The following TLN2 variants were observed in gnomAD, a reference collection of about 807,000 sequenced individuals.
TLN2 encodes the protein talin 2.
A neutral mutation model predicts 294.7 loss-of-function variants in TLN2; 118 were observed. The observed-to-expected ratio is 0.40, with a 90% confidence interval of 0.34 to 0.47. The LOEUF is 0.47. TLN2 is among the 20% of genes least tolerant of loss of function. The probability of loss-of-function intolerance (pLI) is 0.84; values close to 1 mark genes in which losing one functional copy is unlikely to be tolerated. For synonymous variants in TLN2, 1,431 were observed against 1,304.5 expected (o/e 1.10, Z -2.09); for missense variants, 3,083 against 3,282.2 (o/e 0.94, Z 1.48).
At position 62,719,787 on chromosome 15, in the gene TLN2, TC is replaced by T; in HGVS notation, c.2899del (p.Gln967SerfsTer6). The part of the protein sequence containing the change: ...SCKAVADHIP[Q>X]LVQGVRGSQA... The stretch of plus-strand genomic sequence containing the variant: ...TGCAGGCAGTGGCTGATCACATCCC[TC>T]AGCTGGTCCAGGGAGTGAGGGGGAG... On this transcript the variant is annotated frameshift_variant, in exon 25 of 59. Coordinates refer to ENST00000636159, the MANE Select transcript of TLN2 (RefSeq NM_015059.3). LOFTEE classifies it high-confidence loss of function. 1 of 1,609,502 alleles carries T rather than the reference TC, an allele frequency of 6.2e-7. No individual in the cohort carries two copies. The highest frequency in any genetic ancestry group is 8.5e-7 in the Non-Finnish European group (1 of 1,177,592).
At chr15:62,559,899 T>C (rs988147522) in intron 1 of TLN2, among the ~76,000 whole-genome samples, 2 of 152,242 alleles carry the variant, frequency 1.3e-5, no homozygotes, top group African/African-American at 4.8e-5. Flanking sequence ...CTTCTGTGGC[T>C]GTCCTAATCT....
chr15:62,796,043 G>T, intron 46 of TLN2, 84 bp from the exon 47 acceptor site: 1 of 1,525,294 alleles, frequency 6.6e-7, no homozygotes, highest in South Asian at 1.3e-5. Context: ...ACTCCTAGGA[G>T]AGAATTCATT....
intron 19 of TLN2, among the ~76,000 whole-genome samples, chr15:62,703,429 C>T (rs2058843100): frequency 6.6e-6 from 1 of 151,932 alleles, no homozygotes; most frequent in Non-Finnish European, 1.5e-5. Context: ...ATGTGCTGGA[C>T]ATTCTTTAAT....
At chr15:62,639,712 A>G (rs1221793116) in intron 3 of TLN2, among the ~76,000 whole-genome samples, 2 of 152,126 alleles carry the variant, frequency 1.3e-5, no homozygotes, top group Admixed American at 6.5e-5. Flanking sequence ...AGCGCTCTCA[A>G]GTGTAGATAC....
chr15:62,652,482 A>G (rs971026765), intron 6 of TLN2, among the ~76,000 whole-genome samples: 3 of 152,204 alleles, frequency 2.0e-5, no homozygotes, highest in Non-Finnish European at 4.4e-5. Context: ...GACAGCCCAC[A>G]TGATTATTAG....
intron 1 of TLN2, among the ~76,000 whole-genome samples, chr15:62,481,985 C>T (rs202126880): frequency 3.3e-5 from 5 of 151,330 alleles, no homozygotes; most frequent in East Asian, 2.0e-4. Context: ...TTAGTAGAGA[C>T]GGGATTTCAC....
intron 11 of TLN2, among the ~76,000 whole-genome samples, chr15:62,678,422 C>G (rs2056470233): frequency 6.6e-6 from 1 of 152,140 alleles, no homozygotes; most frequent in African/African-American, 2.4e-5. Flanking sequence ...ACTCAACATC[C>G]TTTTATTAAA....
chr15:62,586,125 G>A (rs549442013), intron 1 of TLN2, among the ~76,000 whole-genome samples: 11 of 152,192 alleles, frequency 7.2e-5, no homozygotes, highest in African/African-American at 2.7e-4. Context: ...TAAATGCAAC[G>A]TTTTGTCTCT....
At position 62,752,379 on chromosome 15, in the gene TLN2, G is replaced by A. The variant is rs750714037; in HGVS notation, c.4284G>A (p.Val1428=). The A allele has an allele frequency of 1.1e-5, 17 of 1,614,056 alleles. No homozygotes were observed. In the South Asian group the frequency reaches 1.8e-4, roughly 17 times the overall value. The stretch of plus-strand genomic sequence containing the variant: ...ACCTCCCTGCCTTTGGGGAATGTGT[G>A]GGGATTGCATCCAAGGCTCTCTGTG... ...TGDLPAFGEC[V]GIASKALCGL... is the part of the protein sequence containing the mutation. The change falls in exon 35 of 59, where the codon GTG becomes GTA. Residue 1428 remains valine (V), a synonymous_variant. Transcript: ENST00000636159.
chr15:62,487,717 G>T (rs754340701), intron 1 of TLN2, among the ~76,000 whole-genome samples: 87 of 151,822 alleles, frequency 5.7e-4, no homozygotes, highest in Admixed American at 2.0e-3. Context: ...TGGATCATGG[G>T]GTCAGGAGAT....
At chr15:62,451,771 G>T (rs2140322375) in intron 1 of TLN2, among the ~76,000 whole-genome samples, 1 of 152,302 alleles carries the variant, frequency 6.6e-6, no homozygotes, top group Admixed American at 6.5e-5. Context: ...GCCTTGCAGA[G>T]GTCCATGGGC....
chr15:62,580,019 C>T (rs1219141469), intron 1 of TLN2, among the ~76,000 whole-genome samples: 4 of 152,202 alleles, frequency 2.6e-5, no homozygotes, highest in African/African-American at 7.2e-5. Context: ...TCCTCCATCG[C>T]TGCTTCCCCA....
chr15:62,579,556 T>TG (rs1383669616), intron 1 of TLN2, among the ~76,000 whole-genome samples: 1 of 152,222 alleles, frequency 6.6e-6, no homozygotes, highest in Non-Finnish European at 1.5e-5. Flanking sequence ...TTCTTCCTGT[T>TG]GCATTTATGC....
At chr15:62,588,131 T>C (rs915498239) in intron 1 of TLN2, among the ~76,000 whole-genome samples, 51 of 152,150 alleles carry the variant, frequency 3.4e-4, no homozygotes, top group Non-Finnish European at 3.2e-4. Flanking sequence ...CTGCCCGCCT[T>C]CGCCTCCCAA....
intron 1 of TLN2, among the ~76,000 whole-genome samples, chr15:62,427,890 C>G (rs2034802955): frequency 6.6e-6 from 1 of 152,152 alleles, no homozygotes. Context: ...AGGCTTGTTC[C>G]TAGGGCTAGG....
At chr15:62,735,000 A>G (rs997757094) in intron 28 of TLN2, among the ~76,000 whole-genome samples, 7 of 152,238 alleles carry the variant, frequency 4.6e-5, no homozygotes, top group African/African-American at 1.7e-4. Context: ...TCAAAAGTTC[A>G]GTGCGAGAGA....
chr15:62,431,152 G>T (rs1595787441), intron 1 of TLN2, among the ~76,000 whole-genome samples: 1 of 152,100 alleles, frequency 6.6e-6, no homozygotes, highest in South Asian at 2.1e-4. Flanking sequence ...GGGCTCCCAG[G>T]GTTTAAGCAG....
intron 1 of TLN2, among the ~76,000 whole-genome samples, chr15:62,441,049 G>T (rs1303303942): frequency 1.3e-5 from 2 of 152,062 alleles, no homozygotes; most frequent in East Asian, 3.9e-4. Flanking sequence ...TTCATGCTCT[G>T]GGACAGCGTT....
intron 1 of TLN2, among the ~76,000 whole-genome samples, chr15:62,509,657 AC>A (rs2039828594): frequency 6.6e-6 from 1 of 152,076 alleles, no homozygotes; most frequent in Non-Finnish European, 1.5e-5. Flanking sequence ...CCTCCTTGTA[AC>A]GTCTCACTGA....
Sources: gnomAD v4.1 joint callset for allele counts (sites outside exome capture counted in the v4.1 genomes callset) on GRCh38, gnomAD v4.1.1 for gene constraint, MANE v1.5 for transcripts, NCBI Gene and HGNC (gene_info 2026-07-23, HGNC 2026-07-21) for gene names.